Variants in TENM2 observed in about 807,000 individuals in gnomAD.
TENM2 encodes teneurin transmembrane protein 2, also known as teneurin-2.
Under a neutral mutation model 245.2 loss-of-function variants are expected in TENM2, and 52 were observed. That is an observed-to-expected ratio of 0.21 (90% CI 0.17 to 0.27). TENM2 has a LOEUF of 0.27. TENM2 is among the 10% of genes least tolerant of loss of function. The pLI, the probability that TENM2 is intolerant of heterozygous loss-of-function variation, is 1.00. For missense variants in TENM2, 3,046 were observed against 3,666.8 expected, an observed-to-expected ratio of 0.83 and a Z score of 4.37; for synonymous variants, 1,363 against 1,438.9, an observed-to-expected ratio of 0.95 and a Z score of 1.19.
intron 5 of TENM2, among the ~76,000 whole-genome samples, chr5:168,033,776 C>T (rs1281725896): frequency 1.3e-5 from 2 of 151,996 alleles, no homozygotes; most frequent in Non-Finnish European, 2.9e-5. Context: ...CCTGTAATCC[C>T]AGCACTTTGG....
intron 2 of TENM2, among the ~76,000 whole-genome samples, chr5:167,508,095 T>C (rs888285075): frequency 1.3e-5 from 2 of 152,152 alleles, no homozygotes; most frequent in African/African-American, 4.8e-5. Flanking sequence ...ATGCTATCTA[T>C]TGAAGCACCC....
intron 4 of TENM2, among the ~76,000 whole-genome samples, chr5:167,960,844 AT>A (rs1287334823): frequency 6.6e-6 from 1 of 152,204 alleles, no homozygotes; most frequent in African/African-American, 2.4e-5. Flanking sequence ...ACCCAAGGGA[AT>A]CTCCTGGTCT....
intron 2 of TENM2, among the ~76,000 whole-genome samples, chr5:167,839,904 G>T (rs372572302): frequency 2.0e-5 from 3 of 152,068 alleles, no homozygotes; most frequent in Admixed American, 2.0e-4. Context: ...TGCAACCTCC[G>T]CCTCCCGGGT....
chr5:168,259,501 T>G (rs909643514), intron 27 of TENM2, among the ~76,000 whole-genome samples: 3 of 152,160 alleles, frequency 2.0e-5, no homozygotes, highest in African/African-American at 7.2e-5. Flanking sequence ...GGCAGGAGAA[T>G]TGCTTGAACC....
the TENM2 span, among the ~76,000 whole-genome samples, chr5:167,029,128 C>G: frequency 6.6e-6 from 1 of 151,978 alleles, no homozygotes; most frequent in East Asian, 1.9e-4. Flanking sequence ...TCAAGCAAAC[C>G]AAGTCATTTT....
At chr5:167,502,559 C>G (rs1246156193) in intron 2 of TENM2, among the ~76,000 whole-genome samples, 1 of 152,144 alleles carries the variant, frequency 6.6e-6, no homozygotes, top group Non-Finnish European at 1.5e-5. Flanking sequence ...TGAGCTCCTT[C>G]TAACTTATTT....
intron 3 of TENM2, among the ~76,000 whole-genome samples, chr5:167,920,338 AAAG>A (rs1214211262): frequency 6.7e-6 from 1 of 149,622 alleles, no homozygotes; most frequent in Non-Finnish European, 1.5e-5. Flanking sequence ...CTTAAAAAAA[AAAG>A]AAAAAAAAAG....
At chr5:167,466,085 A>G (rs1412371772) in intron 2 of TENM2, among the ~76,000 whole-genome samples, 2 of 151,978 alleles carry the variant, frequency 1.3e-5, no homozygotes, top group African/African-American at 4.8e-5. Flanking sequence ...TTTATCATCT[A>G]CTCTTCACAC....
intron 2 of TENM2, among the ~76,000 whole-genome samples, chr5:167,396,446 A>AG (rs1273856707): frequency 2.3e-4 from 35 of 152,260 alleles, no homozygotes; most frequent in South Asian, 2.3e-3. Context: ...GAAATTTGCC[A>AG]GGGGTTGAAA....
At chr5:167,004,654 A>G in the TENM2 span, among the ~76,000 whole-genome samples, 2 of 152,246 alleles carry the variant, frequency 1.3e-5, no homozygotes, top group African/African-American at 4.8e-5. Flanking sequence ...TACATGGCAT[A>G]TTATTTTAAT....
chr5:167,620,805 T>G (rs950245613), intron 2 of TENM2, among the ~76,000 whole-genome samples: 31 of 152,158 alleles, frequency 2.0e-4, no homozygotes, highest in African/African-American at 6.0e-4. Flanking sequence ...ATGTCTCAGG[T>G]TATTTTTTGG....
intron 2 of TENM2, among the ~76,000 whole-genome samples, chr5:167,774,447 A>T (rs758501674): frequency 3.9e-5 from 6 of 152,126 alleles, no homozygotes; most frequent in Non-Finnish European, 8.8e-5. Context: ...TCTTCTTTAG[A>T]CCTAGACGTG....
At chr5:167,480,129 G>A (rs978601536) in intron 2 of TENM2, among the ~76,000 whole-genome samples, 1 of 152,164 alleles carries the variant, frequency 6.6e-6, no homozygotes, top group Non-Finnish European at 1.5e-5. Context: ...CCATCTTCCA[G>A]CAGGTAAGCT....
chr5:167,678,392 G>A (rs138751108), intron 2 of TENM2, among the ~76,000 whole-genome samples: 19 of 152,094 alleles, frequency 1.2e-4, no homozygotes, highest in East Asian at 1.2e-3. Context: ...AATGCAGGGC[G>A]TTTTTTACTT....
chr5:168,105,669 TA>T (rs1794183989), intron 9 of TENM2, among the ~76,000 whole-genome samples: 1 of 152,164 alleles, frequency 6.6e-6, no homozygotes, highest in African/African-American at 2.4e-5. Flanking sequence ...TTGAGCAACT[TA>T]ATAGGCAAGC....
intron 1 of TENM2, among the ~76,000 whole-genome samples, chr5:167,321,327 G>A (rs1756709260): frequency 1.3e-5 from 2 of 152,204 alleles, no homozygotes; most frequent in Admixed American, 6.5e-5. Context: ...AAAGGAAATG[G>A]GTGTCATTCC....
intron 2 of TENM2, among the ~76,000 whole-genome samples, chr5:167,541,116 ATAGGACTT>A (rs1772183053): frequency 6.6e-6 from 1 of 152,212 alleles, no homozygotes; most frequent in Admixed American, 6.5e-5. Flanking sequence ...TTCTAATATT[ATAGGACTT>A]TGTCCCCATC....
At chr5:167,911,067 A>T (rs1363622370) in intron 3 of TENM2, among the ~76,000 whole-genome samples, 1 of 152,232 alleles carries the variant, frequency 6.6e-6, no homozygotes, top group African/African-American at 2.4e-5. Context: ...TTCAACTACA[A>T]CAATCTCAAG....
chr5:167,341,712 AAT>A (rs1347742056), intron 1 of TENM2, among the ~76,000 whole-genome samples: 22 of 151,654 alleles, frequency 1.5e-4, no homozygotes. Flanking sequence ...TTTTATATAG[AAT>A]ATATATTTAA....
Sources: allele counts gnomAD v4.1 joint callset (sites outside exome capture counted in the v4.1 genomes callset), GRCh38; gene constraint gnomAD v4.1.1; transcripts MANE v1.5; gene names NCBI Gene and HGNC (gene_info 2026-07-23, HGNC 2026-07-21).